PAXIP1: variants seen among roughly 807,000 people sequenced by gnomAD.
The protein encoded by PAXIP1 is PAX interacting protein 1.
PAXIP1 carries 19 observed loss-of-function variants against 140.6 expected under a neutral mutation model. The ratio of observed to expected loss-of-function variants is 0.14; its 90% CI spans 0.09 to 0.20. The LOEUF is 0.20. PAXIP1 is among the 10% of genes least tolerant of loss of function. The pLI is 1.00. For synonymous variants in PAXIP1, 442 were observed against 444.6 expected (o/e 0.99, Z 0.07); for missense variants, 920 against 1,208.6 (o/e 0.76, Z 3.54).
chr7:154,994,975 C>G (rs1810506161), intron 2 of PAXIP1, among the ~76,000 whole-genome samples: 1 of 152,186 alleles, frequency 6.6e-6, no homozygotes, highest in Non-Finnish European at 1.5e-5. Flanking sequence ...AATGGGCCAG[C>G]ATCAGGAATC....
rs1286091174 is a variant in PAXIP1 at position 154,968,578 on chromosome 7, G to A, written c.1623C>T (p.His541=). 1 of 717,686 alleles carries A rather than the reference G, an allele frequency of 1.4e-6. No homozygotes were observed. The highest frequency in any genetic ancestry group is 1.8e-5 in the African/African-American group (1 of 57,018). The allele number at this position is 717,686 out of a possible 1,614,324, so 44.5% of individuals were successfully genotyped here. The change falls in exon 7 of 21, where the codon CAC becomes CAT. Residue 541 remains histidine, a synonymous_variant. Coordinates refer to ENST00000404141, the MANE Select transcript of PAXIP1 (RefSeq NM_007349.4). The part of the protein sequence containing the change: ...QIQQQQLQRM[H]QQQQQQQMQS... The stretch of plus-strand genomic sequence containing the variant: ...GCATCTGCTGCTGCTGCTGCTGCTG[G>A]TGCATGCGCTGGAGCTGCTGCTGCT...
At chr7:154,955,491 C>T (rs774306181) in intron 15 of PAXIP1, 38 bp downstream of exon 15, 1 of 1,239,694 alleles carries the variant, frequency 8.1e-7, no homozygotes, top group South Asian at 1.2e-5. Flanking sequence ...AAAAAGGACA[C>T]TGCTAAAAAT....
intron 17 of PAXIP1, 104 bp downstream of exon 17, chr7:154,947,799 G>A (rs1808064110): frequency 2.4e-6 from 2 of 830,248 alleles, no homozygotes; most frequent in Non-Finnish European, 4.2e-6. Context: ...GGTGAGCCCA[G>A]CTCCCCTGGA....
chr7:155,003,274 C>T (rs985178508), upstream of PAXIP1, among the ~76,000 whole-genome samples: 32 of 151,900 alleles, frequency 2.1e-4, no homozygotes, highest in East Asian at 7.8e-4. Flanking sequence ...CCGCTCTGGC[C>T]CTTGCGGTTC....
chr7:154,986,591 C>A lies in PAXIP1; in HGVS notation c.325-3259G>T, dbSNP rs73493747. 0.018 allele frequency among the ~76,000 whole-genome samples: 2,792 copies of A among 152,322 alleles called. 91 individuals carry two copies. Among genetic ancestry groups the A allele is most frequent in the African/African-American group, 0.063 (2,634 of 41,568 alleles). On this transcript the variant is annotated intron_variant, in intron 4 of 20. Transcript: ENST00000404141. The surrounding 1 kb of genome is among the most constrained non-coding windows in gnomAD (Gnocchi z 4.8). ...GTACATATGTTGTTAATGTATCTTA[C>A]AACCAAAATAACATTTTTTAGCAAC...
chr7:154,998,869 T>C lies in PAXIP1; in HGVS notation c.82-85A>G, dbSNP rs565799971. 6.2e-5 allele frequency: 73 copies of C among 1,171,788 alleles called. No individual in the cohort carries two copies. The African/African-American group carries it at 9.0e-4, about 14-fold the overall frequency. 72.6% of individuals were successfully genotyped at this position (1,171,788 alleles called of 1,614,324 possible). The stretch of plus-strand genomic sequence containing the variant: ...TTACAGAAATAATTATTGGGCATAA[T>C]AGTACTTTTTAATAAAAACACACCA... On this transcript the variant is annotated intron_variant, in intron 1 of 20. Coordinates refer to ENST00000404141, the MANE Select transcript of PAXIP1 (RefSeq NM_007349.4).
intron 2 of PAXIP1, 39 bp downstream of exon 2, chr7:154,998,611 T>G: frequency 6.4e-7 from 1 of 1,565,020 alleles, no homozygotes. Context: ...TGCAAGATAC[T>G]GAGGAAAAGA....
intron 4 of PAXIP1, among the ~76,000 whole-genome samples, chr7:154,988,030 A>G (rs1252367932): frequency 1.3e-5 from 2 of 152,244 alleles, no homozygotes; most frequent in Non-Finnish European, 2.9e-5. Context: ...TCCAAAATCA[A>G]TGAGAAAAAA....
At chr7:154,977,436 T>G (rs893989244) in intron 5 of PAXIP1, among the ~76,000 whole-genome samples, 25 of 152,170 alleles carry the variant, frequency 1.6e-4, no homozygotes, top group African/African-American at 5.5e-4. Context: ...TCACACGCAA[T>G]AGGGATGCGG....
chr7:154,986,099 G>T lies in PAXIP1; in HGVS notation c.325-2767C>A. The T allele has an allele frequency of 2.2e-6, 3 of 1,363,870 alleles. No individual in the cohort carries two copies. The highest frequency in any genetic ancestry group is 2.9e-6 in the Non-Finnish European group (3 of 1,020,836). The allele number at this position is 1,363,870 out of a possible 1,614,324, so 84.5% of individuals were successfully genotyped here. ...ATGATCTCTGTGCTTCCCAACTTCT[G>T]CTGGACAAGCTCCCTTCCCTACCTC... On this transcript the variant is annotated intron_variant, in intron 4 of 20. Coordinates refer to ENST00000404141, the MANE Select transcript of PAXIP1 (RefSeq NM_007349.4). This position sits in a 1 kb window ranked among gnomAD's most constrained non-coding sequence, Gnocchi z 4.8.
At position 154,983,265 on chromosome 7, in the gene PAXIP1, G is replaced by A. The variant is rs763531386; in HGVS notation, c.392C>T (p.Thr131Ile). ...CAAATGCGTGCATTTCTTATTGAGG[G>A]TTAGCTGGCAATCTCCCCCATAGAA... ...VTFYGGDCQL[T>I]LNKKCTHLIV... Residue 131 changes from threonine to isoleucine, a missense_variant, in exon 5 of 21, where the codon ACC becomes ATC. Coordinates refer to ENST00000404141, the MANE Select transcript of PAXIP1 (RefSeq NM_007349.4). 2 of 1,612,696 alleles carry A rather than the reference G, an allele frequency of 1.2e-6. No homozygotes were observed. Among genetic ancestry groups the A allele is most frequent in the Non-Finnish European group, 1.7e-6 (2 of 1,179,170 alleles).
At chr7:154,998,894 A>T in intron 1 of PAXIP1, 110 bp from the exon 2 acceptor site, 2 of 904,612 alleles carry the variant, frequency 2.2e-6, no homozygotes, top group Non-Finnish European at 3.3e-6. Flanking sequence ...AAAACACACC[A>T]TATTCCCCAC....
chr7:154,993,369 G>C (rs1248862887), intron 3 of PAXIP1, among the ~76,000 whole-genome samples: 1 of 152,194 alleles, frequency 6.6e-6, no homozygotes, highest in Non-Finnish European at 1.5e-5. Flanking sequence ...TTATTCTCAT[G>C]TTCTCTTCCC....
intron 12 of PAXIP1, 90 bp downstream of exon 12, chr7:154,960,803 G>T: frequency 2.2e-6 from 2 of 907,956 alleles, no homozygotes; most frequent in Non-Finnish European, 3.2e-6. Context: ...CTCAAGCCAG[G>T]CCTGGTAATT....
intron 16 of PAXIP1, chr7:154,948,320 A>C: frequency 3.5e-6 from 1 of 282,974 alleles, no homozygotes; most frequent in Non-Finnish European, 6.9e-6. Flanking sequence ...CCGGGGAAGG[A>C]AAGCTGCTTG....
intron 13 of PAXIP1, among the ~76,000 whole-genome samples, chr7:154,959,134 C>G (rs2150748591): frequency 6.6e-6 from 1 of 152,302 alleles, no homozygotes; most frequent in South Asian, 2.1e-4. Flanking sequence ...TGCTAATCCT[C>G]ATGAAACTAT....
chr7:154,990,966 C>T (rs776116467), intron 4 of PAXIP1, 40 bp downstream of exon 4: 3 of 1,256,182 alleles, frequency 2.4e-6, no homozygotes, highest in Non-Finnish European at 2.2e-6. Flanking sequence ...TCAGAAGTGT[C>T]ACATATAAAT....
At chr7:154,957,685 T>C (rs1808579890) in intron 13 of PAXIP1, among the ~76,000 whole-genome samples, 1 of 152,190 alleles carries the variant, frequency 6.6e-6, no homozygotes. Flanking sequence ...GTGGAAAACA[T>C]GGCCGGGCGC....
chr7:154,953,613 C>CTA (rs1394435361), intron 16 of PAXIP1, among the ~76,000 whole-genome samples: 1 of 152,068 alleles, frequency 6.6e-6, no homozygotes, highest in South Asian at 2.1e-4. Context: ...GACACCACTC[C>CTA]TATGCAGGAC....
Sources: gnomAD v4.1 joint callset for allele counts (sites outside exome capture counted in the v4.1 genomes callset) on GRCh38, gnomAD v4.1.1 for gene constraint, Gnocchi (gnomAD v3.1) non-coding constraint, MANE v1.5 for transcripts, NCBI Gene and HGNC (gene_info 2026-07-23, HGNC 2026-07-21) for gene names.